Variants in FMN2 observed in about 807,000 individuals in gnomAD.
FMN2 encodes the protein formin-2.
In FMN2, 51 loss-of-function variants were observed where a neutral mutation model predicts 142.3. The observed-to-expected ratio is 0.36, with a 90% CI of 0.29 to 0.45. FMN2 has a LOEUF of 0.45. FMN2 is among the 20% of genes least tolerant of loss of function. The pLI is 1.00. For synonymous variants in FMN2, 882 were observed against 869.8 expected, an observed-to-expected ratio of 1.01 and a Z score of -0.25; for missense variants, 1,936 against 2,122.8, an observed-to-expected ratio of 0.91 and a Z score of 1.73.
At chr1:240,329,212 T>G (rs2103013338) in intron 9 of FMN2, 45 bp downstream of exon 9, 5 of 1,607,762 alleles carry the variant, frequency 3.1e-6, no homozygotes, top group Non-Finnish European at 2.5e-6. Flanking sequence ...AGGCTATGGG[T>G]GGGCCCGTTT....
At chr1:240,318,631 T>C (rs1189596361) in intron 8 of FMN2, among the ~76,000 whole-genome samples, 2 of 152,192 alleles carry the variant, frequency 1.3e-5, no homozygotes, top group Admixed American at 6.5e-5. Flanking sequence ...TAAAAATAAT[T>C]GTTAATCAGT....
intron 8 of FMN2, among the ~76,000 whole-genome samples, chr1:240,302,038 G>T (rs908463255): frequency 6.6e-6 from 1 of 151,916 alleles, no homozygotes; most frequent in East Asian, 1.9e-4. Flanking sequence ...AAGTCCCTGA[G>T]ATTCTGTTCA....
At chr1:240,121,712 C>A (rs1186857849) in intron 1 of FMN2, among the ~76,000 whole-genome samples, 2 of 108,406 alleles carry the variant, frequency 1.8e-5, no homozygotes, top group Non-Finnish European at 3.4e-5. Context: ...TTATGCCTCT[C>A]TTGCCTTTTT....
intron 6 of FMN2, among the ~76,000 whole-genome samples, chr1:240,217,167 A>G (rs1666936478): frequency 6.6e-6 from 1 of 152,236 alleles, no homozygotes. Context: ...ATTGGCTGCT[A>G]TGAAAAGGAA....
At chr1:240,270,887 CATTT>C (rs1668979424) in intron 7 of FMN2, among the ~76,000 whole-genome samples, 1 of 151,708 alleles carries the variant, frequency 6.6e-6, no homozygotes, top group South Asian at 2.1e-4. Context: ...TACAAAGTCT[CATTT>C]AGATAGGAGG....
chr1:240,124,901 C>T (rs1662437328), intron 2 of FMN2, among the ~76,000 whole-genome samples: 1 of 152,086 alleles, frequency 6.6e-6, no homozygotes, highest in South Asian at 2.1e-4. Flanking sequence ...CTCCTGACCT[C>T]GTGATCCACC....
At chr1:240,444,998 C>T (rs1675756105) in intron 16 of FMN2, among the ~76,000 whole-genome samples, 1 of 152,174 alleles carries the variant, frequency 6.6e-6, no homozygotes, top group South Asian at 2.1e-4. Flanking sequence ...CAACCATTCA[C>T]TCTTTTCATT....
intron 6 of FMN2, among the ~76,000 whole-genome samples, chr1:240,241,939 G>A (rs1235167947): frequency 7.0e-6 from 1 of 142,108 alleles, no homozygotes; most frequent in African/African-American, 2.8e-5. Context: ...TCCGCCTCCC[G>A]GGTTCACGCC....
intron 1 of FMN2, among the ~76,000 whole-genome samples, chr1:240,103,804 T>C (rs1661495174): frequency 6.6e-6 from 1 of 152,216 alleles, no homozygotes; most frequent in African/African-American, 2.4e-5. Flanking sequence ...AACATGTCAT[T>C]GGTCCCCTAT....
chr1:240,414,373 A>C (rs1452666148), intron 15 of FMN2, among the ~76,000 whole-genome samples: 1 of 152,192 alleles, frequency 6.6e-6, no homozygotes, highest in African/African-American at 2.4e-5. Context: ...CTGTTAAATG[A>C]CTTCACCAGT....
At chr1:240,280,109 C>T (rs1558409099) in intron 7 of FMN2, among the ~76,000 whole-genome samples, 3 of 151,716 alleles carry the variant, frequency 2.0e-5, no homozygotes, top group Non-Finnish European at 2.9e-5. Flanking sequence ...ACTGAGTTTT[C>T]TTTTTTTTAT....
intron 2 of FMN2, 99 bp downstream of exon 2, chr1:240,123,444 C>A: frequency 4.1e-6 from 5 of 1,213,422 alleles, no homozygotes; most frequent in Non-Finnish European, 3.3e-6. Flanking sequence ...TTAAAAACAA[C>A]ATGTGATTCA....
intron 2 of FMN2, among the ~76,000 whole-genome samples, chr1:240,128,175 C>T (rs973836252): frequency 1.3e-5 from 2 of 152,164 alleles, no homozygotes; most frequent in African/African-American, 4.8e-5. Context: ...ACTTGTAGAT[C>T]ATGGTATATT....
intron 16 of FMN2, among the ~76,000 whole-genome samples, chr1:240,464,143 A>G (rs1676536770): frequency 6.6e-6 from 1 of 152,202 alleles, no homozygotes; most frequent in Non-Finnish European, 1.5e-5. Flanking sequence ...CTAAACACAG[A>G]AAGAGGCAGA....
Position 240,171,322 on chromosome 1 carries a change from T to A in FMN2, c.1783-6599T>A. 6 of 679,916 alleles carry A rather than the reference T, an allele frequency of 8.8e-6. No homozygotes were observed. The South Asian group carries it at 9.7e-5, about 11-fold the overall frequency. The allele number at this position is 679,916 out of a possible 1,614,324, so 42.1% of individuals were successfully genotyped here. The stretch of plus-strand genomic sequence containing the variant: ...CAAAAGAGAAAACCAGCGTCCATCC[T>A]GTCGTGATGTGATGGGAGCAGCCTA... On this transcript the variant is annotated intron_variant, in intron 2 of 17. Transcript: ENST00000319653.
At chr1:240,142,991 G>C in intron 2 of FMN2, 1 of 1,565,344 alleles carries the variant, frequency 6.4e-7, no homozygotes, top group Non-Finnish European at 8.8e-7. Context: ...CCAGGAAAGA[G>C]AGAGGCACGG....
At chr1:240,220,197 A>G (rs1243975144) in intron 6 of FMN2, among the ~76,000 whole-genome samples, 2 of 152,152 alleles carry the variant, frequency 1.3e-5, no homozygotes, top group Non-Finnish European at 2.9e-5. Context: ...AAGGGCACAC[A>G]GGAAACGGAG....
chr1:240,365,358 G>T (rs1430199223), intron 14 of FMN2, among the ~76,000 whole-genome samples: 1 of 151,798 alleles, frequency 6.6e-6, no homozygotes, highest in African/African-American at 2.4e-5. Flanking sequence ...GTTTTTACTA[G>T]TGGTTACATG....
Position 240,207,152 on chromosome 1 carries a change from G to C in FMN2, c.2340G>C (p.Lys780Asn). The C allele has an allele frequency of 1.2e-6, 2 of 1,614,064 alleles. No homozygotes were observed. The highest frequency in any genetic ancestry group is 1.7e-6 in the Non-Finnish European group (2 of 1,179,976). ...GGGCTGAAAGTGGACCTCAGACAAA[G>C]TTCTGTTCAGAGATTTCTTTGATTG... ...PPGAESGPQT[K>N]FCSEISLIVS... Residue 780 changes from lysine to asparagine, a missense_variant, in exon 5 of 18, where the codon AAG (lysine) becomes AAC (asparagine). Physicochemically the swap from Lys to Asn is moderately conservative, Grantham distance 94. Coordinates refer to ENST00000319653, the MANE Select transcript of FMN2 (RefSeq NM_020066.5).
Sources: gnomAD v4.1 joint callset for allele counts (sites outside exome capture counted in the v4.1 genomes callset) on GRCh38, gnomAD v4.1.1 for gene constraint, MANE v1.5 for transcripts, NCBI Gene and HGNC (gene_info 2026-07-23, HGNC 2026-07-21) for gene names.